Variants in NAV1 observed in about 807,000 individuals in gnomAD.
NAV1 encodes the protein pore membrane and/or filament interacting like protein 3.
NAV1 carries 18 observed loss-of-function variants against 175.2 expected under a neutral mutation model. The observed-to-expected ratio is 0.10, with a 90% confidence interval of 0.07 to 0.15. NAV1 has a LOEUF of 0.15. Ranked by LOEUF, NAV1 falls within the 10% of genes least tolerant of loss-of-function variation. The probability of loss-of-function intolerance (pLI) is 1.00; values close to 1 mark genes in which losing one functional copy is unlikely to be tolerated. For missense variants in NAV1, 1,731 were observed against 2,436.6 expected (o/e 0.71, Z 6.10); for synonymous variants, 897 against 978.7 (o/e 0.92, Z 1.56).
intron 15 of NAV1, chr1:201,795,301 CT>C: frequency 6.6e-6 from 1 of 152,342 alleles, no homozygotes. Flanking sequence ...ACTCCATTGA[CT>C]TTTCCCCACT....
At chr1:201,544,067 G>A (rs920899627) in intron 1 of NAV1, among the ~76,000 whole-genome samples, 7 of 152,202 alleles carry the variant, frequency 4.6e-5, no homozygotes, top group Admixed American at 2.0e-4. Context: ...CAGCCTCAGC[G>A]CGGGCTTCAT....
chr1:201,574,435 G>C (rs1264176956), intron 1 of NAV1, among the ~76,000 whole-genome samples: 1 of 152,124 alleles, frequency 6.6e-6, no homozygotes, highest in Non-Finnish European at 1.5e-5. Flanking sequence ...AGAAGGAGCA[G>C]CATGAACCCA....
intron 28 of NAV1, among the ~76,000 whole-genome samples, chr1:201,814,835 C>T (rs1287356893): frequency 1.3e-5 from 2 of 151,752 alleles, no homozygotes; most frequent in Non-Finnish European, 2.9e-5. Context: ...GTCAGGAGAT[C>T]GAGACCGTCG....
chr1:201,619,512 T>A (rs1668098063), upstream of NAV1, among the ~76,000 whole-genome samples: 1 of 152,260 alleles, frequency 6.6e-6, no homozygotes, highest in Admixed American at 6.5e-5. Flanking sequence ...TTGGTCCTCA[T>A]TTTGCAGACT....
chr1:201,769,771 A>G (rs1438585255), intron 3 of NAV1, among the ~76,000 whole-genome samples: 2 of 152,246 alleles, frequency 1.3e-5, no homozygotes. Flanking sequence ...AAGAAAAAAA[A>G]GAAAACTCTC....
chr1:201,785,951 C>G (rs1022604136), intron 8 of NAV1, among the ~76,000 whole-genome samples: 3 of 152,046 alleles, frequency 2.0e-5, no homozygotes, highest in Non-Finnish European at 4.4e-5. Context: ...CACCACCAAG[C>G]CTGGCTAAAT....
intron 15 of NAV1, among the ~76,000 whole-genome samples, chr1:201,799,511 G>C (rs1677705179): frequency 6.6e-6 from 1 of 152,084 alleles, no homozygotes; most frequent in Non-Finnish European, 1.5e-5. Context: ...TGCACAAGAG[G>C]TTTCTTAACT....
At position 201,782,279 on chromosome 1, in the gene NAV1, TAAG is replaced by T. The variant is rs775607563; in HGVS notation, c.1771_1773del (p.Lys591del). 2.5e-6 allele frequency: 4 copies of T among 1,614,228 alleles called. No homozygotes were observed. In the Admixed American group the frequency reaches 6.7e-5, roughly 27 times the overall value. Reference sequence around the variant, plus strand: ...CTGGTCGGGACCGCCTGAGTGATGCTAAGAAGCCCCCCTCGGGCATTGCTCGCC... The same window carrying T: ...CTGGTCGGGACCGCCTGAGTGATGCTAAGCCCCCCTCGGGCATTGCTCGCC... On this transcript the variant is annotated inframe_deletion, in exon 6 of 30. Transcript: ENST00000367296. This position sits in a 1 kb window ranked among gnomAD's most constrained non-coding sequence, Gnocchi z 5.4.
chr1:201,803,730 G>A lies in NAV1; in HGVS notation c.3639+16G>A. The A allele has an allele frequency of 6.8e-7, 1 of 1,463,950 alleles. No individual in the cohort carries two copies. The highest frequency in any genetic ancestry group is 9.0e-7 in the Non-Finnish European group (1 of 1,110,582). 90.7% of individuals were successfully genotyped at this position (1,463,950 alleles called of 1,614,324 possible). A position where few individuals can be genotyped will look rare whatever the true frequency, so the allele number is the denominator to read the frequency against. ...AAAGAGTTGGGTAGGTAAAGGTTTG[G>A]GGGGTGGGAAGTAGGTAGAACCGTG... is the stretch of plus-strand genomic sequence containing the variant. On this transcript the variant is annotated intron_variant, in intron 16 of 29. Transcript: ENST00000367296.
At chr1:201,541,874 G>A (rs1665525821) in intron 1 of NAV1, among the ~76,000 whole-genome samples, 1 of 152,142 alleles carries the variant, frequency 6.6e-6, no homozygotes, top group Non-Finnish European at 1.5e-5. Context: ...CCAGTAGAAA[G>A]GAGTGGCCTA....
chr1:201,784,701 G>A (rs1302729408), intron 7 of NAV1, among the ~76,000 whole-genome samples: 1 of 151,530 alleles, frequency 6.6e-6, no homozygotes, highest in Non-Finnish European at 1.5e-5. Context: ...TGTCCCTAGT[G>A]CCATAATATG....
At chr1:201,809,168 G>C (rs1447305006) in exon 21 of NAV1, 1 of 1,613,940 alleles carries the variant, frequency 6.2e-7, no homozygotes, top group South Asian at 1.1e-5. Context: ...CCACAGACCT[G>C]TCACCCATGG....
chr1:201,700,866 C>T (rs184558984), intron 1 of NAV1, among the ~76,000 whole-genome samples: 1 of 151,714 alleles, frequency 6.6e-6, no homozygotes, highest in African/African-American at 2.4e-5. Context: ...AAAAAATTAG[C>T]CAGGCGTGGT....
chr1:201,755,444 AGAG>A lies in NAV1; in HGVS notation c.1227-24962_1227-24960del, dbSNP rs564421010. The stretch of plus-strand genomic sequence containing the variant: ...CTCAAAAAAAAGAAGAAAGAGAAGA[AGAG>A]GAGGAGGAGGAGGAAGAAGAGAAAG... On this transcript the variant is annotated intron_variant, in intron 3 of 29. Transcript: ENST00000367296. 6.8e-4 allele frequency among the ~76,000 whole-genome samples: 104 copies of A among 152,284 alleles called. 1 individual carries two copies. In the South Asian group the frequency reaches 0.02, roughly 29 times the overall value.
intron 1 of NAV1, among the ~76,000 whole-genome samples, chr1:201,575,374 G>A (rs1666664846): frequency 1.3e-5 from 2 of 152,132 alleles, no homozygotes; most frequent in Non-Finnish European, 2.9e-5. Flanking sequence ...CTGAGCTATA[G>A]GATCTAGTCC....
In NAV1 at chr1:201,611,844, C is replaced by G. The variant is rs554398267; in HGVS notation, c.-32-11009C>G. Among the ~76,000 whole-genome samples, 3 of 151,908 alleles carry G rather than the reference C, an allele frequency of 2.0e-5. No individual in the cohort carries two copies. The East Asian group carries it at 5.8e-4, about 29-fold the overall frequency. On this transcript the variant is annotated intron_variant, in intron 2 of 33. Coordinates refer to the NAV1 transcript ENST00000685211. Reference sequence around the variant, plus strand: ...GGCTGGGTGGGAAATGGGCCAAAGGCGAGGGACAGCAAGGGACAGGGAGGA... The same window carrying G: ...GGCTGGGTGGGAAATGGGCCAAAGGGGAGGGACAGCAAGGGACAGGGAGGA...
rs187103066 is a variant in NAV1, at chr1:201,669,421, T to G, written c.757+19996T>G. Among the ~76,000 whole-genome samples the G allele has an allele frequency of 1.6e-3, 248 of 151,948 alleles. 4 individuals carry two copies. Among genetic ancestry groups the G allele is most frequent in the African/African-American group, 5.7e-3 (237 of 41,416 alleles). On this transcript the variant is annotated intron_variant, in intron 1 of 29. Transcript: ENST00000367296. ...GCACAGAGGTCCGAGGAGGCTCAAG[T>G]ATTTGAGGAAAGTGGAAGAAGGCCA...
intron 2 of NAV1, among the ~76,000 whole-genome samples, chr1:201,600,002 C>T (rs917183977): frequency 5.9e-5 from 9 of 152,320 alleles, no homozygotes; most frequent in South Asian, 2.1e-4. Context: ...GGCTCTGAAC[C>T]GAGGAGACAG....
In NAV1 at chr1:201,788,442, T is replaced by C. The variant is rs1400795842; in HGVS notation, c.2996-26T>C. On this transcript the variant is annotated intron_variant, in intron 9 of 29. Coordinates refer to ENST00000367296, the Ensembl canonical transcript of NAV1. This position sits in a 1 kb window ranked among gnomAD's most constrained non-coding sequence, Gnocchi z 5.7. ...TTTCCTGCCCTCCTGCTCCCTCTCC[T>C]GTCCCCCTTCCCTCTGTCCTTCCAG... The C allele has an allele frequency of 6.2e-7, 1 of 1,613,492 alleles. No homozygotes were observed. Among genetic ancestry groups the C allele is most frequent in the East Asian group, 2.2e-5 (1 of 44,856 alleles).
Sources: gnomAD v4.1 joint callset for allele counts (sites outside exome capture counted in the v4.1 genomes callset) on GRCh38, gnomAD v4.1.1 for gene constraint, Gnocchi (gnomAD v3.1) non-coding constraint, MANE v1.5 for transcripts, NCBI Gene and HGNC (gene_info 2026-07-23, HGNC 2026-07-21) for gene names.